OSBPL9: variants seen among roughly 807,000 people sequenced by gnomAD.
OSBPL9 encodes oxysterol binding protein like 9, also known as oxysterol-binding protein-related protein 9.
Under a neutral mutation model 106.6 loss-of-function variants are expected in OSBPL9, and 40 were observed. That is an observed-to-expected ratio of 0.38 (90% CI 0.29 to 0.49). The LOEUF is 0.49. Ranked by LOEUF, OSBPL9 falls within the 20% of genes least tolerant of loss-of-function variation. OSBPL9 has a pLI of 0.97. For missense variants in OSBPL9, 609 were observed against 887.2 expected (o/e 0.69, Z 3.98); for synonymous variants, 269 against 295.4 (o/e 0.91, Z 0.92).
At chr1:51,605,854 G>A (rs555659980) in intron 2 of OSBPL9, among the ~76,000 whole-genome samples, 83 of 152,088 alleles carry the variant, frequency 5.5e-4, no homozygotes, top group Middle Eastern at 3.4e-3. Flanking sequence ...GGTGGCAGGC[G>A]CCTGTAATCC....
At chr1:51,615,782 G>T (rs899219653), upstream of OSBPL9, among the ~76,000 whole-genome samples, 4 of 152,004 alleles carry the variant, frequency 2.6e-5, no homozygotes, top group Non-Finnish European at 1.5e-5. Flanking sequence ...TAAGAGGCCT[G>T]CCCTATAACC....
the OSBPL9 span, among the ~76,000 whole-genome samples, chr1:51,528,022 G>T: frequency 3.3e-5 from 5 of 151,888 alleles, no homozygotes; most frequent in Admixed American, 2.0e-4. Flanking sequence ...TACTTGGGAG[G>T]CTGAGGCACG....
chr1:51,740,291 T>C, intron 4 of OSBPL9: 1 of 1,381,104 alleles, frequency 7.2e-7, no homozygotes, highest in East Asian at 2.8e-5. Context: ...CATCTCAAAT[T>C]GCTAATTGTG....
intron 22 of OSBPL9, 24 bp from the exon 23 acceptor site, chr1:51,787,329 G>A: frequency 6.2e-7 from 1 of 1,606,792 alleles, no homozygotes; most frequent in Non-Finnish European, 8.5e-7. Flanking sequence ...AACATTGGCA[G>A]CTCCTCTTAC....
chr1:51,702,688 C>A (rs1387180264), intron 3 of OSBPL9, among the ~76,000 whole-genome samples: 1 of 152,106 alleles, frequency 6.6e-6, no homozygotes, highest in Non-Finnish European at 1.5e-5. Context: ...GTTGCCATTG[C>A]TTTTGGTGTT....
chr1:51,782,184 C>G (rs949456578), intron 16 of OSBPL9, among the ~76,000 whole-genome samples: 1 of 152,194 alleles, frequency 6.6e-6, no homozygotes. Flanking sequence ...CCATAGCCCA[C>G]AGCACCTGAC....
intron 2 of OSBPL9, among the ~76,000 whole-genome samples, chr1:51,604,970 A>C (rs1643935438): frequency 6.6e-6 from 1 of 152,150 alleles, no homozygotes; most frequent in African/African-American, 2.4e-5. Flanking sequence ...TGTTTTTATA[A>C]ATAAAGTTTT....
chr1:51,679,577 T>A (rs886972591), intron 3 of OSBPL9, among the ~76,000 whole-genome samples: 1 of 152,226 alleles, frequency 6.6e-6, no homozygotes, highest in African/African-American at 2.4e-5. Flanking sequence ...TCTGAACATA[T>A]TCAATAGAAA....
intron 2 of OSBPL9, among the ~76,000 whole-genome samples, chr1:51,656,487 T>C (rs1646820501): frequency 6.6e-6 from 1 of 152,172 alleles, no homozygotes; most frequent in African/African-American, 2.4e-5. Context: ...CTTTTTCTTA[T>C]ATCATGGAAG....
At chr1:51,752,678 C>A in intron 8 of OSBPL9, 1 of 402,814 alleles carries the variant, frequency 2.5e-6, no homozygotes, top group Non-Finnish European at 5.0e-6. Context: ...TGATGAGGGT[C>A]CTTCTCTTGG....
intron 2 of OSBPL9, among the ~76,000 whole-genome samples, chr1:51,663,091 T>C (rs1647476059): frequency 1.3e-5 from 2 of 152,262 alleles, no homozygotes; most frequent in South Asian, 4.1e-4. Context: ...AGAACATGAA[T>C]TTTTTTAAAT....
chr1:51,610,696 C>T (rs1413387709), intron 2 of OSBPL9, among the ~76,000 whole-genome samples: 4 of 152,214 alleles, frequency 2.6e-5, no homozygotes, highest in African/African-American at 9.6e-5. Context: ...TCTCAGCCAA[C>T]CCAAATAAGT....
At chr1:51,659,674 T>C (rs948381382) in intron 2 of OSBPL9, among the ~76,000 whole-genome samples, 4 of 151,386 alleles carry the variant, frequency 2.6e-5, no homozygotes, top group Admixed American at 2.0e-4. Flanking sequence ...ATAAATAATA[T>C]TAAGAATGAA....
intron 2 of OSBPL9, among the ~76,000 whole-genome samples, chr1:51,654,392 C>A (rs1390294903): frequency 6.6e-6 from 1 of 152,038 alleles, no homozygotes; most frequent in Non-Finnish European, 1.5e-5. Flanking sequence ...TATTTGGTTA[C>A]CCAGTGGTGC....
chr1:51,602,348 CAT>C (rs1191863025), intron 2 of OSBPL9, among the ~76,000 whole-genome samples: 2 of 151,612 alleles, frequency 1.3e-5, no homozygotes, highest in African/African-American at 4.8e-5. Context: ...TACCCTAACA[CAT>C]GTCTCACTGT....
At chr1:51,587,491 C>T (rs1174938781) in intron 1 of OSBPL9, among the ~76,000 whole-genome samples, 1 of 152,204 alleles carries the variant, frequency 6.6e-6, no homozygotes, top group East Asian at 1.9e-4. Flanking sequence ...TTCTTTGACA[C>T]TTCCCATCCC....
At chr1:51,560,685 A>G in the OSBPL9 span, among the ~76,000 whole-genome samples, 1 of 152,190 alleles carries the variant, frequency 6.6e-6, no homozygotes, top group Non-Finnish European at 1.5e-5. Flanking sequence ...AAAGAGATGG[A>G]GAGGACAACA....
the OSBPL9 span, chr1:51,567,057 T>C: frequency 6.6e-6 from 1 of 152,236 alleles, no homozygotes; most frequent in African/African-American, 2.4e-5. Context: ...CAAGTCGCTG[T>C]GACTTTCCTT....
At chr1:51,592,351 G>A (rs1325725815) in intron 1 of OSBPL9, among the ~76,000 whole-genome samples, 4 of 152,070 alleles carry the variant, frequency 2.6e-5, no homozygotes, top group South Asian at 2.1e-4. Context: ...TCCGGACCTC[G>A]TGATCTGCCC....
Sources: gnomAD v4.1 joint callset for allele counts (sites outside exome capture counted in the v4.1 genomes callset) on GRCh38, gnomAD v4.1.1 for gene constraint, MANE v1.5 for transcripts, NCBI Gene and HGNC (gene_info 2026-07-23, HGNC 2026-07-21) for gene names.